GNA12: variants seen among roughly 807,000 people sequenced by gnomAD.
The protein encoded by GNA12 is guanine nucleotide-binding protein subunit alpha-12.
In GNA12, 9 loss-of-function variants were observed where a neutral mutation model predicts 26.0. The observed-to-expected ratio is 0.35, with a 90% CI of 0.21 to 0.60. The LOEUF is 0.60. Ranked by LOEUF, GNA12 falls within the 20% of genes least tolerant of loss-of-function variation. The pLI is 0.78. For missense variants in GNA12, 405 were observed against 525.8 expected (o/e 0.77, Z 2.25); for synonymous variants, 264 against 219.6 (o/e 1.20, Z -1.79).
rs34095388 is a variant in GNA12 at position 2,804,906 on chromosome 7, TAA to T, written c.310-9765_310-9764del. On this transcript the variant is annotated intron_variant, in intron 1 of 3. Transcript: ENST00000275364. ...AGACCCTATCTCTATTAAAATAAAT[TAA>T]AAAAAAAAAGATATTGAAGAGGATA... Among the ~76,000 whole-genome samples, 183 of 148,596 alleles carry T rather than the reference TAA, an allele frequency of 1.2e-3. 1 individual carries two copies. The highest frequency in any genetic ancestry group is 4.2e-3 in the African/African-American group (171 of 40,512).
At chr7:2,748,456 T>C (rs1356365994) in intron 2 of GNA12, among the ~76,000 whole-genome samples, 1 of 152,112 alleles carries the variant, frequency 6.6e-6, no homozygotes, top group Admixed American at 6.5e-5. Flanking sequence ...TGGCTAGCCA[T>C]ATGTAGAAAG....
intron 1 of GNA12, among the ~76,000 whole-genome samples, chr7:2,823,991 C>G (rs1263390693): frequency 6.6e-6 from 1 of 152,198 alleles, no homozygotes; most frequent in Non-Finnish European, 1.5e-5. Flanking sequence ...TCTTTTTGCT[C>G]ACATTCAAAA....
intron 2 of GNA12, among the ~76,000 whole-genome samples, chr7:2,738,419 C>T (rs376336690): frequency 3.9e-5 from 6 of 152,264 alleles, no homozygotes; most frequent in South Asian, 2.1e-4. Context: ...TCAGGGGCTA[C>T]GCACCGGCGA....
intron 1 of GNA12, among the ~76,000 whole-genome samples, chr7:2,826,474 A>G (rs775794466): frequency 6.6e-6 from 1 of 152,184 alleles, no homozygotes; most frequent in Non-Finnish European, 1.5e-5. Flanking sequence ...ATGTCTACAC[A>G]AAAGCCTGCA....
intron 2 of GNA12, among the ~76,000 whole-genome samples, chr7:2,744,885 G>A (rs969255797): frequency 1.3e-5 from 2 of 152,172 alleles, no homozygotes; most frequent in East Asian, 3.9e-4. Context: ...GAAGCCTCAG[G>A]AGCCGATGCG....
intron 2 of GNA12, among the ~76,000 whole-genome samples, chr7:2,757,662 A>G (rs1791367759): frequency 6.6e-6 from 1 of 152,216 alleles, no homozygotes; most frequent in South Asian, 2.1e-4. Context: ...GTGCCGTTTT[A>G]AGTTGCTAAT....
At chr7:2,820,592 A>G (rs1482528311) in intron 1 of GNA12, among the ~76,000 whole-genome samples, 2 of 152,194 alleles carry the variant, frequency 1.3e-5, no homozygotes, top group Non-Finnish European at 2.9e-5. Context: ...CAAGCGCTGT[A>G]AAGCACAGAG....
At chr7:2,753,856 G>A (rs1165679220) in intron 2 of GNA12, among the ~76,000 whole-genome samples, 1 of 151,996 alleles carries the variant, frequency 6.6e-6, no homozygotes, top group Admixed American at 6.6e-5. Flanking sequence ...CTCCTCTTCT[G>A]GTTTAGGAAC....
chr7:2,790,946 C>T (rs990739585), intron 2 of GNA12, among the ~76,000 whole-genome samples: 2 of 150,344 alleles, frequency 1.3e-5, no homozygotes, highest in Admixed American at 1.3e-4. Flanking sequence ...TGTACTCCGG[C>T]CTGGAAGGCA....
intron 2 of GNA12, among the ~76,000 whole-genome samples, chr7:2,780,051 C>CATAT (rs3996399): frequency 0.081 from 4,871 of 60,364 alleles, 277 homozygotes; most frequent in Middle Eastern, 0.14. Flanking sequence ...TTTCTGTGTA[C>CATAT]ATATATATAT....
chr7:2,791,387 T>C (rs886902283), intron 2 of GNA12, among the ~76,000 whole-genome samples: 3 of 152,238 alleles, frequency 2.0e-5, no homozygotes, highest in Non-Finnish European at 2.9e-5. Context: ...GCCTCCCCTA[T>C]GGAAAGGGAA....
rs559630347 is a variant in GNA12 at position 2,842,136 on chromosome 7, GGAAAGAAAA to G, written c.309+1708_309+1716del. Among the ~76,000 whole-genome samples, 405 of 88,658 alleles carry G rather than the reference GGAAAGAAAA, an allele frequency of 4.6e-3. 4 individuals are homozygous for G. The highest frequency in any genetic ancestry group is 0.014 in the African/African-American group (400 of 28,022). The allele number at this position is 88,658 out of a possible 152,430, so 58.2% of individuals were successfully genotyped here. On this transcript the variant is annotated intron_variant, in intron 1 of 3. Coordinates refer to ENST00000275364, the MANE Select transcript of GNA12 (RefSeq NM_007353.3). The stretch of plus-strand genomic sequence containing the variant: ...GGAAGGGAGGAAGAAAAGAAAGGAA[GGAAAGAAAA>G]GAAGGAAAGGAAGGAAGGAAAAAGG...
At position 2,730,878 on chromosome 7, in the gene GNA12, A is replaced by C; in HGVS notation, c.*303T>G. 1 of 345,624 alleles carries C rather than the reference A, an allele frequency of 2.9e-6. No individual in the cohort carries two copies. The highest frequency in any genetic ancestry group is 4.7e-5 in the South Asian group (1 of 21,200). The allele number at this position is 345,624 out of a possible 1,614,324, so 21.4% of individuals were successfully genotyped here. On this transcript the variant is annotated 3_prime_UTR_variant, in exon 4 of 4. Transcript: ENST00000275364. ...GTCCTCAATTAAACTGCGTCAGAAAAAGAGGAACGTTTCTGTAAAAGCAAA... is the reference window on the plus strand; with the variant it reads ...GTCCTCAATTAAACTGCGTCAGAAACAGAGGAACGTTTCTGTAAAAGCAAA...
At chr7:2,793,860 C>A (rs1357672388) in intron 2 of GNA12, among the ~76,000 whole-genome samples, 1 of 122,984 alleles carries the variant, frequency 8.1e-6, no homozygotes, top group Non-Finnish European at 1.6e-5. Flanking sequence ...CCAGGCTGGG[C>A]AACAGCGCGA....
At chr7:2,772,830 C>A (rs77452010) in intron 2 of GNA12, among the ~76,000 whole-genome samples, 4,573 of 152,260 alleles carry the variant, frequency 0.03, 192 homozygotes, top group African/African-American at 0.086. Flanking sequence ...ATTAAGAGAC[C>A]TGTCCAAGAA....
chr7:2,789,115 CG>C (rs1370453859), intron 2 of GNA12, among the ~76,000 whole-genome samples: 1 of 146,704 alleles, frequency 6.8e-6, no homozygotes, highest in Non-Finnish European at 1.5e-5. Context: ...CCACCGTGCC[CG>C]GACCCCTTCA....
intron 2 of GNA12, chr7:2,764,953 A>G (rs1562416114): frequency 6.6e-6 from 1 of 152,252 alleles, no homozygotes; most frequent in Non-Finnish European, 1.5e-5. Flanking sequence ...GGTCAACTGC[A>G]TTTTGTACGG....
chr7:2,797,257 C>G (rs1216678644), intron 1 of GNA12, among the ~76,000 whole-genome samples: 1 of 152,120 alleles, frequency 6.6e-6, no homozygotes, highest in Non-Finnish European at 1.5e-5. Flanking sequence ...GTGATCCTTG[C>G]CCGTAGCCTC....
At chr7:2,742,156 G>T (rs1212583108) in intron 2 of GNA12, among the ~76,000 whole-genome samples, 1 of 151,842 alleles carries the variant, frequency 6.6e-6, no homozygotes, top group Non-Finnish European at 1.5e-5. Context: ...CGAGTAGCTG[G>T]GATTACAGAG....
Sources: gnomAD v4.1 joint callset for allele counts (sites outside exome capture counted in the v4.1 genomes callset) on GRCh38, gnomAD v4.1.1 for gene constraint, MANE v1.5 for transcripts, NCBI Gene and HGNC (gene_info 2026-07-23, HGNC 2026-07-21) for gene names.